The following CSMD1 variants were observed in gnomAD, a reference collection of about 807,000 sequenced individuals.
CSMD1 encodes the protein CUB and Sushi multiple domains 1, also known as CUB and sushi domain-containing protein 1.
CSMD1 carries 213 observed loss-of-function variants against 417.5 expected under a neutral mutation model. The ratio of observed to expected loss-of-function variants is 0.51; its 90% CI spans 0.46 to 0.57. The LOEUF (loss-of-function observed/expected upper bound fraction) is 0.57. Among genes scored for constraint, CSMD1 ranks in the 20% least tolerant of loss-of-function variants. The pLI is 0.00. For missense variants in CSMD1, 6,923 were observed against 4,529.7 expected, an observed-to-expected ratio of 1.53 and a Z score of -15.17; for synonymous variants, 2,862 against 1,736.8, an observed-to-expected ratio of 1.65 and a Z score of -16.11.
chr8:3,386,313 C>T (rs1276811448), intron 18 of CSMD1, among the ~76,000 whole-genome samples: 1 of 152,188 alleles, frequency 6.6e-6, no homozygotes, highest in Non-Finnish European at 1.5e-5. Flanking sequence ...TCAGCCTGCT[C>T]GTGTGGCCCC....
At chr8:4,787,262 G>A (rs977675328) in intron 1 of CSMD1, 2 of 582,136 alleles carry the variant, frequency 3.4e-6, no homozygotes, top group African/African-American at 1.9e-5. Context: ...GATGCTCTCT[G>A]ATCACCCCTC....
intron 2 of CSMD1, among the ~76,000 whole-genome samples, chr8:4,426,575 A>G (rs1228730081): frequency 6.8e-6 from 1 of 146,986 alleles, no homozygotes; most frequent in Non-Finnish European, 1.5e-5. Flanking sequence ...TAGTATATAT[A>G]CACAGTATGT....
Position 4,387,918 on chromosome 8 carries a change from T to C in CSMD1, c.415+32035A>G, listed in dbSNP as rs559212191. On this transcript the variant is annotated intron_variant, in intron 3 of 69. Coordinates refer to ENST00000635120, the MANE Select transcript of CSMD1 (RefSeq NM_033225.6). ...CCAAGATTATATAAAGAAAAAAATATGACTATCGAGTAACAACAAAGGATT... is the reference window on the plus strand; with the variant it reads ...CCAAGATTATATAAAGAAAAAAATACGACTATCGAGTAACAACAAAGGATT... Among the ~76,000 whole-genome samples, 8 of 152,190 alleles carry C rather than the reference T, an allele frequency of 5.3e-5. No homozygotes were observed. In the South Asian group the frequency reaches 1.7e-3, roughly 32 times the overall value.
intron 12 of CSMD1, among the ~76,000 whole-genome samples, chr8:3,450,087 T>C (rs1057019644): frequency 2.0e-5 from 3 of 152,138 alleles, no homozygotes; most frequent in Admixed American, 6.5e-5. Context: ...AATCATCTGG[T>C]TTGCTGACTG....
chr8:4,122,042 C>G (rs993049239), intron 3 of CSMD1, among the ~76,000 whole-genome samples: 1 of 151,814 alleles, frequency 6.6e-6, no homozygotes, highest in Non-Finnish European at 1.5e-5. Context: ...TATTGTATAA[C>G]TACATGTTCC....
intron 1 of CSMD1, among the ~76,000 whole-genome samples, chr8:4,861,318 C>G (rs763123828): frequency 6.6e-6 from 1 of 152,074 alleles, no homozygotes; most frequent in East Asian, 1.9e-4. Context: ...ACATCCATAT[C>G]AAACAAAAAT....
At chr8:3,503,466 A>T (rs1796691547) in intron 10 of CSMD1, among the ~76,000 whole-genome samples, 1 of 152,240 alleles carries the variant, frequency 6.6e-6, no homozygotes, top group Non-Finnish European at 1.5e-5. Context: ...AAAACACAGC[A>T]GTCTTGGGAC....
intron 5 of CSMD1, among the ~76,000 whole-genome samples, chr8:3,784,266 G>A (rs184405297): frequency 6.6e-6 from 1 of 152,234 alleles, no homozygotes; most frequent in East Asian, 1.9e-4. Flanking sequence ...ACAGGACCTT[G>A]CTAGATTACT....
intron 10 of CSMD1, among the ~76,000 whole-genome samples, chr8:3,513,478 G>C (rs1205552002): frequency 6.6e-6 from 1 of 151,742 alleles, no homozygotes; most frequent in African/African-American, 2.4e-5. Context: ...GGCCTGTTGT[G>C]GGATCTCACC....
intron 2 of CSMD1, among the ~76,000 whole-genome samples, chr8:4,506,308 G>C (rs1363733296): frequency 6.6e-6 from 1 of 152,118 alleles, no homozygotes; most frequent in Non-Finnish European, 1.5e-5. Context: ...AAAAGGAAGA[G>C]TACCAGCTAC....
chr8:3,152,761 G>A (rs1016115862), intron 39 of CSMD1, among the ~76,000 whole-genome samples: 6 of 152,154 alleles, frequency 3.9e-5, no homozygotes, highest in Non-Finnish European at 8.8e-5. Flanking sequence ...CTCTCAAGGC[G>A]ACTTCTTTGT....
intron 8 of CSMD1, among the ~76,000 whole-genome samples, chr8:3,596,588 C>G (rs1801105726): frequency 1.3e-5 from 2 of 152,016 alleles, no homozygotes; most frequent in South Asian, 2.1e-4. Flanking sequence ...GACTGTTCGG[C>G]AAATATTTCC....
chr8:3,620,053 G>C (rs1045917756), intron 7 of CSMD1, among the ~76,000 whole-genome samples: 6 of 152,146 alleles, frequency 3.9e-5, no homozygotes, highest in South Asian at 4.1e-4. Context: ...AGTGAGCTGA[G>C]ACTGTGCCCC....
chr8:4,854,003 G>A (rs1801640710), intron 1 of CSMD1, among the ~76,000 whole-genome samples: 1 of 152,040 alleles, frequency 6.6e-6, no homozygotes, highest in Admixed American at 6.5e-5. Context: ...CCTAATTCCT[G>A]GAACACAATT....
chr8:4,567,854 C>T (rs1182305727), intron 2 of CSMD1, among the ~76,000 whole-genome samples: 1 of 152,180 alleles, frequency 6.6e-6, no homozygotes, highest in Non-Finnish European at 1.5e-5. Context: ...TCAGACTCTA[C>T]ATAAGCATGC....
intron 12 of CSMD1, among the ~76,000 whole-genome samples, chr8:3,431,814 A>C (rs1002780755): frequency 6.6e-6 from 1 of 152,194 alleles, no homozygotes; most frequent in Non-Finnish European, 1.5e-5. Flanking sequence ...GAGAAAACAA[A>C]TATTTTATTC....
At chr8:3,242,363 C>A (rs953106378) in intron 26 of CSMD1, among the ~76,000 whole-genome samples, 2 of 151,344 alleles carry the variant, frequency 1.3e-5, no homozygotes, top group East Asian at 2.0e-4. Context: ...GGGGTTGGGA[C>A]TGAGGGGACA....
At chr8:4,850,820 C>G (rs1801431458) in intron 1 of CSMD1, among the ~76,000 whole-genome samples, 1 of 152,084 alleles carries the variant, frequency 6.6e-6, no homozygotes, top group South Asian at 2.1e-4. Flanking sequence ...AAAAATTCAA[C>G]CAGTGGCATC....
intron 5 of CSMD1, among the ~76,000 whole-genome samples, chr8:3,894,335 T>C (rs544526815): frequency 6.6e-6 from 1 of 152,140 alleles, no homozygotes; most frequent in Non-Finnish European, 1.5e-5. Flanking sequence ...TTGCTCTGGA[T>C]TTTTTCTATC....
Sources: allele counts gnomAD v4.1 joint callset (sites outside exome capture counted in the v4.1 genomes callset), GRCh38; gene constraint gnomAD v4.1.1; transcripts MANE v1.5; gene names NCBI Gene and HGNC (gene_info 2026-07-23, HGNC 2026-07-21).